The following NFATC1 variants were observed in gnomAD, a reference collection of about 807,000 sequenced individuals.
The protein encoded by NFATC1 is nuclear factor of activated T cells 1.
Under a neutral mutation model 76.0 loss-of-function variants are expected in NFATC1, and 22 were observed. That is an observed-to-expected ratio of 0.29 (90% confidence interval 0.21 to 0.41). NFATC1 has a LOEUF of 0.41. NFATC1 is among the 10% of genes least tolerant of loss of function. NFATC1 has a pLI of 1.00. For missense variants in NFATC1, 1,357 were observed against 1,337.7 expected, an observed-to-expected ratio of 1.01 and a Z score of -0.23; for synonymous variants, 704 against 613.1, an observed-to-expected ratio of 1.15 and a Z score of -2.19.
intron 2 of NFATC1, among the ~76,000 whole-genome samples, chr18:79,429,976 G>A (rs1320540321): frequency 1.3e-5 from 2 of 152,204 alleles, no homozygotes; most frequent in East Asian, 3.8e-4. Context: ...ACCGCTGTGG[G>A]GCAGTCACCC....
intron 1 of NFATC1, chr18:79,400,592 G>T: frequency 1.0e-6 from 1 of 996,042 alleles, no homozygotes; most frequent in African/African-American, 1.7e-5. Flanking sequence ...TCCCCGGCGC[G>T]CCCGGGACCG....
At position 79,430,493 on chromosome 18, in the gene NFATC1, C is replaced by T. The variant is rs149575876; in HGVS notation, c.1227-3086C>T. Among the ~76,000 whole-genome samples, 413 of 152,350 alleles carry T rather than the reference C, an allele frequency of 2.7e-3. 3 individuals are homozygous for T. The highest frequency in any genetic ancestry group is 0.01 in the Middle Eastern group (3 of 294). On this transcript the variant is annotated intron_variant, in intron 2 of 9. Coordinates refer to ENST00000427363, the MANE Select transcript of NFATC1 (RefSeq NM_001278669.2). ...CGCCTCCCAGGTTCAAGCAATTCTC[C>T]TGCTTCACCCTCCCAAGTGGCTAGG...
chr18:79,436,811 C>T (rs960299997), intron 3 of NFATC1, among the ~76,000 whole-genome samples: 2 of 152,108 alleles, frequency 1.3e-5, no homozygotes, highest in Admixed American at 6.5e-5. Flanking sequence ...CCATTTAGGG[C>T]CTTTCCTTCA....
At chr18:79,466,584 C>T (rs567500971) in intron 7 of NFATC1, among the ~76,000 whole-genome samples, 9 of 152,314 alleles carry the variant, frequency 5.9e-5, no homozygotes, top group Admixed American at 5.2e-4. Flanking sequence ...GCATGAGTTT[C>T]GTAAACATGC....
intron 9 of NFATC1, among the ~76,000 whole-genome samples, chr18:79,502,774 T>TA (rs1485898367): frequency 6.6e-6 from 1 of 152,236 alleles, no homozygotes; most frequent in African/African-American, 2.4e-5. Flanking sequence ...TTCAATAAGA[T>TA]ACCATTTTAT....
At chr18:79,492,376 A>G (rs1378922029) in intron 9 of NFATC1, among the ~76,000 whole-genome samples, 1 of 152,216 alleles carries the variant, frequency 6.6e-6, no homozygotes, top group African/African-American at 2.4e-5. Context: ...CAGCCTGGTC[A>G]ACATGGTAGA....
rs773150762 is a variant in NFATC1, at chr18:79,486,957, C to T, written c.2782+20C>T. 1 of 1,570,496 alleles carries T rather than the reference C, an allele frequency of 6.4e-7. No homozygotes were observed. Among genetic ancestry groups the T allele is most frequent in the Non-Finnish European group, 8.7e-7 (1 of 1,155,038 alleles). Reference sequence around the variant, plus strand: ...ATGACGGTGAGTGCCCGCAGCCATGCAGGTGTGTGCCCCGCCTGGCGCCAT... The same window carrying T: ...ATGACGGTGAGTGCCCGCAGCCATGTAGGTGTGTGCCCCGCCTGGCGCCAT... On this transcript the variant is annotated intron_variant, in intron 9 of 9. Coordinates refer to ENST00000427363, the MANE Select transcript of NFATC1 (RefSeq NM_001278669.2).
At chr18:79,435,783 A>T (rs574726274) in intron 3 of NFATC1, among the ~76,000 whole-genome samples, 3 of 152,286 alleles carry the variant, frequency 2.0e-5, no homozygotes, top group African/African-American at 7.2e-5. Context: ...ATTCCAAATC[A>T]AGTGGCCCGT....
intron 9 of NFATC1, among the ~76,000 whole-genome samples, chr18:79,522,625 C>T (rs1474878826): frequency 6.6e-6 from 1 of 152,068 alleles, no homozygotes; most frequent in Non-Finnish European, 1.5e-5. Flanking sequence ...AACACCCCCG[C>T]CCCCAGCCTT....
intron 2 of NFATC1, among the ~76,000 whole-genome samples, chr18:79,429,843 A>G (rs961983606): frequency 2.6e-5 from 4 of 152,278 alleles, no homozygotes; most frequent in Admixed American, 6.5e-5. Context: ...AGCCAAATGC[A>G]GTCCTGCACC....
chr18:79,431,849 T>C (rs7241445), intron 2 of NFATC1, among the ~76,000 whole-genome samples: 69,395 of 152,028 alleles, frequency 0.46, 16,591 homozygotes, highest in African/African-American at 0.6. Flanking sequence ...ACTACAGGCC[T>C]CCGCCACCAC....
intron 8 of NFATC1, among the ~76,000 whole-genome samples, chr18:79,482,853 G>A (rs868685464): frequency 7.3e-6 from 1 of 136,394 alleles, no homozygotes; most frequent in Non-Finnish European, 1.6e-5. Context: ...ACCTGGTCCT[G>A]GGGTGTAATT....
chr18:79,425,234 T>TGTCTCTGTCTCTCTGTTTCTCTCC (rs1475434838), intron 2 of NFATC1, among the ~76,000 whole-genome samples: 1 of 151,904 alleles, frequency 6.6e-6, no homozygotes, highest in Non-Finnish European at 1.5e-5. Flanking sequence ...TTTCTCTCCC[T>TGTCTCTGTCTCTCTGTTTCTCTCC]GTCTCTGTCT....
At chr18:79,414,089 C>G (rs1263734893) in intron 2 of NFATC1, among the ~76,000 whole-genome samples, 2 of 152,174 alleles carry the variant, frequency 1.3e-5, no homozygotes, top group Non-Finnish European at 2.9e-5. Context: ...TTCCAAGTGA[C>G]CTCGTCAGCG....
At chr18:79,477,609 C>T (rs992769880) in intron 8 of NFATC1, among the ~76,000 whole-genome samples, 10 of 149,448 alleles carry the variant, frequency 6.7e-5, no homozygotes, top group African/African-American at 2.6e-4. Context: ...GTCTTCGGGG[C>T]TTCCATAGTG....
chr18:79,441,402 T>C (rs2144717066), intron 3 of NFATC1, among the ~76,000 whole-genome samples: 1 of 152,000 alleles, frequency 6.6e-6, no homozygotes, highest in South Asian at 2.1e-4. Flanking sequence ...GTGATTTCGG[T>C]TTTGATGTGT....
At chr18:79,505,583 G>A (rs2090101440) in intron 9 of NFATC1, among the ~76,000 whole-genome samples, 1 of 122,900 alleles carries the variant, frequency 8.1e-6, no homozygotes, top group Non-Finnish European at 1.7e-5. Context: ...GGGAGGAGGT[G>A]GTGGATGAGA....
At chr18:79,406,421 G>C (rs1194189282) in intron 1 of NFATC1, among the ~76,000 whole-genome samples, 5 of 152,152 alleles carry the variant, frequency 3.3e-5, no homozygotes, top group African/African-American at 1.2e-4. Context: ...GTGGGAGGGA[G>C]GCTGGGCCCC....
At chr18:79,428,055 G>A (rs943999877) in intron 2 of NFATC1, among the ~76,000 whole-genome samples, 10 of 139,968 alleles carry the variant, frequency 7.1e-5, no homozygotes, top group Admixed American at 2.8e-4. Context: ...CTGGATGACT[G>A]GCCTCTATGC....
Sources: allele counts gnomAD v4.1 joint callset (sites outside exome capture counted in the v4.1 genomes callset), GRCh38; gene constraint gnomAD v4.1.1; transcripts MANE v1.5; gene names NCBI Gene and HGNC (gene_info 2026-07-23, HGNC 2026-07-21).